ATP10B: variants seen among roughly 807,000 people sequenced by gnomAD.
The protein encoded by ATP10B is ATPase phospholipid transporting 10B (putative).
A neutral mutation model predicts 141.2 loss-of-function variants in ATP10B; 122 were observed. The observed-to-expected ratio is 0.86, with a 90% CI of 0.75 to 1.00. The LOEUF (loss-of-function observed/expected upper bound fraction) is 1.00. Ranked by LOEUF, ATP10B falls within the 50% of genes least tolerant of loss-of-function variation. The probability of loss-of-function intolerance (pLI) is 0.00; values close to 1 mark genes in which losing one functional copy is unlikely to be tolerated. For synonymous variants in ATP10B, 685 were observed against 692.0 expected (o/e 0.99, Z 0.16); for missense variants, 1,876 against 1,825.3 (o/e 1.03, Z -0.51).
chr5:160,767,558 T>C (rs1769543818), intron 2 of ATP10B, among the ~76,000 whole-genome samples: 1 of 150,890 alleles, frequency 6.6e-6, no homozygotes, highest in Non-Finnish European at 1.5e-5. Flanking sequence ...CCATAGAATG[T>C]ATTATAAATA....
chr5:160,830,240 TATTG>T (rs1279712137), intron 1 of ATP10B, among the ~76,000 whole-genome samples: 1 of 151,312 alleles, frequency 6.6e-6, no homozygotes, highest in Non-Finnish European at 1.5e-5. Flanking sequence ...GAATCATATT[TATTG>T]ATTTATATAT....
At chr5:160,685,059 G>A in intron 6 of ATP10B, 1 of 703,600 alleles carries the variant, frequency 1.4e-6, no homozygotes, top group Middle Eastern at 2.3e-4. Flanking sequence ...TGTTTTTGGG[G>A]ACGAAGGACA....
chr5:160,804,528 C>T (rs1275752946), intron 1 of ATP10B, among the ~76,000 whole-genome samples: 2 of 152,240 alleles, frequency 1.3e-5, no homozygotes, highest in South Asian at 2.1e-4. Flanking sequence ...GCTTATGAGC[C>T]CATAGTCATA....
At chr5:160,685,626 T>C (rs531630494) in intron 6 of ATP10B, among the ~76,000 whole-genome samples, 1 of 151,942 alleles carries the variant, frequency 6.6e-6, no homozygotes, top group Non-Finnish European at 1.5e-5. Context: ...CTCCAAAGAG[T>C]TTCTCCTGAA....
chr5:160,652,777 AATAT>A (rs571035779), intron 7 of ATP10B, among the ~76,000 whole-genome samples: 1,589 of 103,058 alleles, frequency 0.015, 191 homozygotes, highest in African/African-American at 0.063. Flanking sequence ...CATAAATATA[AATAT>A]ATATAAAAAT....
intron 1 of ATP10B, among the ~76,000 whole-genome samples, chr5:160,814,328 C>T (rs1319088962): frequency 9.9e-5 from 15 of 152,068 alleles, no homozygotes; most frequent in African/African-American, 2.9e-4. Context: ...AAGAGAACTA[C>T]GTGATGAATG....
chr5:160,911,495 G>A, the ATP10B span, among the ~76,000 whole-genome samples: 2 of 152,234 alleles, frequency 1.3e-5, no homozygotes, highest in Non-Finnish European at 1.5e-5. Context: ...CTGGTTGGAA[G>A]TAGGAGGCTA....
At chr5:160,917,243 C>A in the ATP10B span, among the ~76,000 whole-genome samples, 6 of 149,708 alleles carry the variant, frequency 4.0e-5, no homozygotes, top group Admixed American at 3.3e-4. Context: ...GGTTGTGGGG[C>A]CAGGGCTCCT....
chr5:160,838,899 A>G (rs1419815120), intron 1 of ATP10B, among the ~76,000 whole-genome samples: 3 of 152,118 alleles, frequency 2.0e-5, no homozygotes, highest in African/African-American at 7.2e-5. Context: ...TCTTGGTGAT[A>G]ATTGAGTTCT....
the ATP10B span, among the ~76,000 whole-genome samples, chr5:160,916,643 GAA>G: frequency 1.3e-5 from 2 of 152,204 alleles, no homozygotes; most frequent in African/African-American, 2.4e-5. Flanking sequence ...TTAAGGAAAT[GAA>G]AAGAGATTAA....
At chr5:160,703,643 T>G (rs1219999554) in intron 3 of ATP10B, among the ~76,000 whole-genome samples, 1 of 150,674 alleles carries the variant, frequency 6.6e-6, no homozygotes, top group African/African-American at 2.5e-5. Flanking sequence ...TTTTGAATTT[T>G]TAGTAAAAAT....
At chr5:160,923,226 T>C in the ATP10B span, among the ~76,000 whole-genome samples, 1 of 152,152 alleles carries the variant, frequency 6.6e-6, no homozygotes, top group East Asian at 1.9e-4. Flanking sequence ...AAGGAGACTG[T>C]GCACACGAGA....
intron 1 of ATP10B, among the ~76,000 whole-genome samples, chr5:160,849,618 T>TACATACAC (rs1554125249): frequency 6.8e-6 from 1 of 148,130 alleles, no homozygotes; most frequent in African/African-American, 2.5e-5. Flanking sequence ...TACTGGCAAT[T>TACATACAC]ACACACACAC....
chr5:160,736,124 A>T (rs1767099203), intron 2 of ATP10B, among the ~76,000 whole-genome samples: 1 of 152,188 alleles, frequency 6.6e-6, no homozygotes, highest in Non-Finnish European at 1.5e-5. Context: ...AAGAAAAGAA[A>T]TAAAGATCAG....
At chr5:160,831,183 C>T (rs766897754) in intron 1 of ATP10B, among the ~76,000 whole-genome samples, 2 of 151,690 alleles carry the variant, frequency 1.3e-5, no homozygotes, top group Non-Finnish European at 2.9e-5. Flanking sequence ...AATAGTATTT[C>T]TTAGTTTGTT....
chr5:160,857,957 A>G, the ATP10B span, among the ~76,000 whole-genome samples: 5 of 152,112 alleles, frequency 3.3e-5, no homozygotes, highest in East Asian at 7.7e-4. Context: ...GATGGCACTT[A>G]AAGAGAATGA....
chr5:160,873,593 G>A, the ATP10B span, among the ~76,000 whole-genome samples: 91 of 152,312 alleles, frequency 6.0e-4, no homozygotes, highest in African/African-American at 1.9e-3. Flanking sequence ...CACAGAAGAC[G>A]GGTGATTTCT....
At chr5:160,733,665 TTATATATA>T (rs34394968) in intron 2 of ATP10B, among the ~76,000 whole-genome samples, 1 of 148,362 alleles carries the variant, frequency 6.7e-6, no homozygotes, top group Admixed American at 6.7e-5. Context: ...ATATGTAACG[TTATATATA>T]TATATATATA....
At chr5:160,839,517 G>T (rs1349726622) in intron 1 of ATP10B, among the ~76,000 whole-genome samples, 2 of 151,848 alleles carry the variant, frequency 1.3e-5, no homozygotes, top group Non-Finnish European at 2.9e-5. Flanking sequence ...CAAAACAAAA[G>T]CACAAAAACT....
Sources: gnomAD v4.1 joint callset for allele counts (sites outside exome capture counted in the v4.1 genomes callset) on GRCh38, gnomAD v4.1.1 for gene constraint, MANE v1.5 for transcripts, NCBI Gene and HGNC (gene_info 2026-07-23, HGNC 2026-07-21) for gene names.